Variants in SFSWAP observed in about 807,000 individuals in gnomAD.
SFSWAP encodes splicing factor, suppressor of white-apricot homolog.
Under a neutral mutation model 100.7 loss-of-function variants are expected in SFSWAP, and 17 were observed. That is an observed-to-expected ratio of 0.17 (90% CI 0.12 to 0.25). SFSWAP has a LOEUF of 0.25. SFSWAP is among the 10% of genes least tolerant of loss of function. The probability of loss-of-function intolerance (pLI) is 1.00; values close to 1 mark genes in which losing one functional copy is unlikely to be tolerated. For synonymous variants in SFSWAP, 504 were observed against 510.1 expected, an observed-to-expected ratio of 0.99 and a Z score of 0.16; for missense variants, 1,005 against 1,262.6, an observed-to-expected ratio of 0.80 and a Z score of 3.09.
In SFSWAP at chr12:131,733,384, C is replaced by T. The variant is rs919878013; in HGVS notation, c.1081+4956C>T. ...GAGGGTCTTAGGATTTGCAGTCCAG[C>T]TTTGCAGGGAGCGGCAGTTTGTCAT... On this transcript the variant is annotated intron_variant, in intron 7 of 17. Transcript: ENST00000261674. This position sits in a 1 kb window ranked among gnomAD's most constrained non-coding sequence, Gnocchi z 5.1. Among the ~76,000 whole-genome samples the T allele has an allele frequency of 2.6e-5, 4 of 152,184 alleles. No individual in the cohort carries two copies. The highest frequency in any genetic ancestry group is 9.7e-5 in the African/African-American group (4 of 41,432).
At position 131,725,640 on chromosome 12, in the gene SFSWAP, A is replaced by C; in HGVS notation, c.832+10A>C. ...AGTGACGAGAAAAAAAGTAGGTCCC[A>C]CTGCGTCTGTTCCGTCCAGACTTTG... On this transcript the variant is annotated intron_variant, in intron 5 of 17. Coordinates refer to ENST00000261674, the MANE Select transcript of SFSWAP (RefSeq NM_004592.4). The surrounding 1 kb of genome is among the most constrained non-coding windows in gnomAD (Gnocchi z 4.3). The C allele has an allele frequency of 6.2e-7, 1 of 1,600,704 alleles. No individual in the cohort carries two copies.
Position 131,711,328 on chromosome 12 carries a change from G to A in SFSWAP, c.99G>A (p.Val33=). 3 of 1,613,912 alleles carry A rather than the reference G, an allele frequency of 1.9e-6. No individual in the cohort carries two copies. The highest frequency in any genetic ancestry group is 2.5e-6 in the Non-Finnish European group (3 of 1,179,978). The stretch of plus-strand genomic sequence containing the variant: ...GTGCCGGCGGTGGGGGCAGCCGAGT[G>A]GAGCTCTTGGTTTTCGGCTATGCCT... The part of the protein sequence containing the change: ...PGGAGGGGSR[V]ELLVFGYACK... Residue 33 remains valine, a synonymous_variant, in exon 1 of 18, where the codon GTG becomes GTA. Transcript: ENST00000261674. This position sits in a 1 kb window ranked among gnomAD's most constrained non-coding sequence, Gnocchi z 4.9.
rs1357236676 is a variant in SFSWAP at position 131,711,471 on chromosome 12, G to T, written c.218+24G>T. ...AGGTCGGTTCCTCTCCCCACCCGTC[G>T]ATCCTTCCCTTCCCTCACCCGCTTG... On this transcript the variant is annotated intron_variant, in intron 1 of 17. Coordinates refer to ENST00000261674, the MANE Select transcript of SFSWAP (RefSeq NM_004592.4). The surrounding 1 kb of genome is among the most constrained non-coding windows in gnomAD (Gnocchi z 4.9). The T allele has an allele frequency of 5.7e-6, 9 of 1,573,724 alleles. No homozygotes were observed. The South Asian group carries it at 6.6e-5, about 12-fold the overall frequency.
chr12:131,764,418 C>A, intron 11 of SFSWAP, 38 bp from the exon 12 acceptor site: 1 of 1,556,862 alleles, frequency 6.4e-7, no homozygotes, highest in Non-Finnish European at 8.8e-7. Context: ...GATTTCCACT[C>A]TGTAACATGT....
intron 10 of SFSWAP, among the ~76,000 whole-genome samples, chr12:131,756,067 C>G (rs1372380570): frequency 6.6e-6 from 1 of 152,258 alleles, no homozygotes; most frequent in African/African-American, 2.4e-5. Flanking sequence ...GAGGAGATGA[C>G]ATGGGCCTTA....
Position 131,728,281 on chromosome 12 carries a change from C to T in SFSWAP, c.946-12C>T, listed in dbSNP as rs1879177247. On this transcript the variant is annotated splice_polypyrimidine_tract_variant and intron_variant, in intron 6 of 17. Transcript: ENST00000261674. ...ATATTGAATGCTAAGGCTGTGTCTT[C>T]TCTGTTTCCAGCCCTTGAAGGTAGT... 1 of 1,614,128 alleles carries T rather than the reference C, an allele frequency of 6.2e-7. No homozygotes were observed. Among genetic ancestry groups the T allele is most frequent in the Non-Finnish European group, 8.5e-7 (1 of 1,179,950 alleles).
intron 7 of SFSWAP, among the ~76,000 whole-genome samples, chr12:131,748,333 A>AT (rs1443257464): frequency 6.8e-6 from 1 of 146,176 alleles, no homozygotes; most frequent in Non-Finnish European, 1.5e-5. Context: ...ATTTTTTTGT[A>AT]TTTTTTAGTA....
intron 14 of SFSWAP, among the ~76,000 whole-genome samples, chr12:131,781,556 C>T (rs955361277): frequency 3.9e-5 from 6 of 152,106 alleles, no homozygotes; most frequent in African/African-American, 1.4e-4. Context: ...TTTATATATT[C>T]ACTGCTGACA....
intron 11 of SFSWAP, among the ~76,000 whole-genome samples, chr12:131,764,092 C>A (rs1882903924): frequency 6.6e-6 from 1 of 152,192 alleles, no homozygotes. Context: ...TGCCACTGCA[C>A]TCCAGCCTGG....
At chr12:131,715,101 C>T in intron 3 of SFSWAP, 148 bp downstream of exon 3, 1 of 707,094 alleles carries the variant, frequency 1.4e-6, no homozygotes, top group South Asian at 2.6e-5. Context: ...GATATTCCTT[C>T]TTTTGGTAAA....
At chr12:131,790,216 G>A (rs1209548675) in intron 15 of SFSWAP, among the ~76,000 whole-genome samples, 1 of 152,196 alleles carries the variant, frequency 6.6e-6, no homozygotes, top group African/African-American at 2.4e-5. Context: ...ATTAGATGGT[G>A]ACATTGTCTC....
chr12:131,788,240 C>CA (rs1885025889), intron 15 of SFSWAP, among the ~76,000 whole-genome samples: 4 of 152,214 alleles, frequency 2.6e-5, no homozygotes, highest in African/African-American at 9.7e-5. Context: ...CCAGCACACT[C>CA]AGACGCCAGA....
At chr12:131,715,011 CATGCACCGTGGTCCAGTCTGCAGA>C in intron 3 of SFSWAP, 58 bp downstream of exon 3, 1 of 1,590,036 alleles carries the variant, frequency 6.3e-7, no homozygotes, top group East Asian at 2.2e-5. Flanking sequence ...GCACAGGCTG[CATGCACCGTGGTCCAGTCTGCAGA>C]ACACATCTCT....
At chr12:131,736,944 GCAGTCTAT>G (rs1309628445) in intron 7 of SFSWAP, among the ~76,000 whole-genome samples, 1 of 152,106 alleles carries the variant, frequency 6.6e-6, no homozygotes, top group Non-Finnish European at 1.5e-5. Flanking sequence ...GGGCCAGCGG[GCAGTCTAT>G]CAGTCTAAAA....
At chr12:131,766,626 A>G (rs1883143790) in intron 13 of SFSWAP, among the ~76,000 whole-genome samples, 1 of 152,218 alleles carries the variant, frequency 6.6e-6, no homozygotes, top group Non-Finnish European at 1.5e-5. Flanking sequence ...TGCTGGGGAA[A>G]TGTGGTGGAC....
chr12:131,757,090 A>G (rs2136228678), intron 11 of SFSWAP: 1 of 157,616 alleles, frequency 6.3e-6, no homozygotes, highest in South Asian at 1.9e-4. Flanking sequence ...CTTTGATGTC[A>G]CAGGACAGAC....
intron 13 of SFSWAP, among the ~76,000 whole-genome samples, chr12:131,771,122 G>T (rs911359980): frequency 2.6e-5 from 4 of 152,158 alleles, no homozygotes; most frequent in African/African-American, 9.7e-5. Flanking sequence ...AACTCAATTC[G>T]ATTCATGTAT....
In SFSWAP at chr12:131,787,295, C is replaced by T. The variant is rs539072946; in HGVS notation, c.2534+707C>T. On this transcript the variant is annotated intron_variant, in intron 15 of 17. Transcript: ENST00000261674. Reference sequence around the variant, plus strand: ...TCAGGAAATAGGTCCACCATCTGTCCGCTCACCCCGGCTTCCAGTAGCTGT... The same window carrying T: ...TCAGGAAATAGGTCCACCATCTGTCTGCTCACCCCGGCTTCCAGTAGCTGT... 5.0e-5 allele frequency among the ~76,000 whole-genome samples: 7 copies of T among 141,336 alleles called. No homozygotes were observed. In the South Asian group the frequency reaches 1.4e-3, roughly 27 times the overall value. 92.7% of individuals were successfully genotyped at this position (141,336 alleles called of 152,430 possible).
intron 11 of SFSWAP, among the ~76,000 whole-genome samples, chr12:131,763,442 A>G (rs1010183667): frequency 6.6e-6 from 1 of 152,230 alleles, no homozygotes; most frequent in Non-Finnish European, 1.5e-5. Context: ...GTCAAGAGCC[A>G]TTTATCACAG....
Sources: gnomAD v4.1 joint callset for allele counts (sites outside exome capture counted in the v4.1 genomes callset) on GRCh38, gnomAD v4.1.1 for gene constraint, Gnocchi (gnomAD v3.1) non-coding constraint, MANE v1.5 for transcripts, NCBI Gene and HGNC (gene_info 2026-07-23, HGNC 2026-07-21) for gene names.